Variants in TMEM108 observed in about 807,000 individuals in gnomAD.
TMEM108 encodes the protein cancer/testis antigen 124.
Under a neutral mutation model 35.1 loss-of-function variants are expected in TMEM108, and 12 were observed. That is an observed-to-expected ratio of 0.34 (90% CI 0.22 to 0.55). The LOEUF is 0.55. TMEM108 is among the 20% of genes least tolerant of loss of function. The pLI, the probability that TMEM108 is intolerant of heterozygous loss-of-function variation, is 0.89. For missense variants in TMEM108, 680 were observed against 753.3 expected, an observed-to-expected ratio of 0.90 and a Z score of 1.14; for synonymous variants, 287 against 308.6, an observed-to-expected ratio of 0.93 and a Z score of 0.73.
chr3:133,302,510 C>T (rs1947243146), intron 3 of TMEM108, among the ~76,000 whole-genome samples: 1 of 144,050 alleles, frequency 6.9e-6, no homozygotes, highest in Non-Finnish European at 1.5e-5. Context: ...CAAGCTCTGC[C>T]TCCCGGGTTC....
intron 2 of TMEM108, among the ~76,000 whole-genome samples, chr3:133,099,726 A>G (rs982039011): frequency 2.1e-4 from 32 of 152,176 alleles, no homozygotes; most frequent in Admixed American, 4.6e-4. Context: ...AAAACATAAT[A>G]AGAGTCACCT....
intron 2 of TMEM108, among the ~76,000 whole-genome samples, chr3:133,152,974 C>G (rs1944823630): frequency 6.6e-6 from 1 of 152,080 alleles, no homozygotes; most frequent in Non-Finnish European, 1.5e-5. Context: ...GGGCCTGTTT[C>G]ATTTTGTACT....
intron 3 of TMEM108, among the ~76,000 whole-genome samples, chr3:133,314,257 G>A (rs144566239): frequency 6.1e-4 from 93 of 152,210 alleles, no homozygotes; most frequent in African/African-American, 2.1e-3. Flanking sequence ...AAAATAAAAA[G>A]GATGATGACA....
chr3:133,292,728 G>A (rs138176708), intron 3 of TMEM108, among the ~76,000 whole-genome samples: 112 of 152,248 alleles, frequency 7.4e-4, no homozygotes, highest in African/African-American at 2.6e-3. Context: ...TTTTCTCAGA[G>A]ACACAGATGC....
intron 3 of TMEM108, chr3:133,253,224 G>C (rs919236689): frequency 6.6e-6 from 1 of 152,190 alleles, no homozygotes; most frequent in Non-Finnish European, 1.5e-5. Context: ...AAGACAAGAA[G>C]AGTGGTTTGG....
chr3:133,244,084 A>G (rs950690859), intron 3 of TMEM108, among the ~76,000 whole-genome samples: 2 of 152,208 alleles, frequency 1.3e-5, no homozygotes, highest in South Asian at 4.1e-4. Context: ...ATCGGGTGAC[A>G]GAGTATTATA....
intron 2 of TMEM108, among the ~76,000 whole-genome samples, chr3:133,090,732 A>C (rs1943937655): frequency 6.6e-6 from 1 of 152,192 alleles, no homozygotes; most frequent in Admixed American, 6.5e-5. Context: ...TATAATTTAC[A>C]TGCATATAGG....
intron 5 of TMEM108, among the ~76,000 whole-genome samples, chr3:133,390,577 T>C (rs572156335): frequency 6.6e-6 from 1 of 152,276 alleles, no homozygotes; most frequent in Non-Finnish European, 1.5e-5. Flanking sequence ...CTGGGACTTT[T>C]GGTTTCTGGG....
At chr3:133,286,481 A>G (rs1283424528) in intron 3 of TMEM108, among the ~76,000 whole-genome samples, 1 of 152,168 alleles carries the variant, frequency 6.6e-6, no homozygotes, top group Non-Finnish European at 1.5e-5. Context: ...CTACAGGCAC[A>G]TGCCATCACA....
At chr3:133,188,229 T>A (rs1290493161) in intron 2 of TMEM108, among the ~76,000 whole-genome samples, 1 of 152,192 alleles carries the variant, frequency 6.6e-6, no homozygotes, top group African/African-American at 2.4e-5. Flanking sequence ...GTCTGCACAC[T>A]ACACATTTGC....
chr3:133,127,058 C>T (rs1257036586), intron 2 of TMEM108, among the ~76,000 whole-genome samples: 1 of 152,028 alleles, frequency 6.6e-6, no homozygotes, highest in African/African-American at 2.4e-5. Flanking sequence ...TTGAGATGTG[C>T]TGTAAGCATA....
intron 3 of TMEM108, among the ~76,000 whole-genome samples, chr3:133,265,472 G>C (rs767016174): frequency 6.6e-6 from 1 of 152,126 alleles, no homozygotes; most frequent in Non-Finnish European, 1.5e-5. Flanking sequence ...CCTATCATTT[G>C]CTGAGGCTGC....
chr3:133,116,089 T>C (rs557354306), intron 2 of TMEM108, among the ~76,000 whole-genome samples: 1 of 152,354 alleles, frequency 6.6e-6, no homozygotes, highest in East Asian at 1.9e-4. Flanking sequence ...TCTTTAGTAA[T>C]GAGAGAAATG....
Position 133,346,038 on chromosome 3 carries a change from T to C in TMEM108, c.41-33714T>C, listed in dbSNP as rs1024857130. 6.6e-6 allele frequency among the ~76,000 whole-genome samples: 1 copy of C among 152,016 alleles called. No homozygotes were observed. The highest frequency in any genetic ancestry group is 2.4e-5 in the African/African-American group (1 of 41,448). Reference sequence around the variant, plus strand: ...CACAGTTTCTGTGTTCGTTCACCTATTCAAAGACATCTTGGTTGCTTCTAG... The same window carrying C: ...CACAGTTTCTGTGTTCGTTCACCTACTCAAAGACATCTTGGTTGCTTCTAG... On this transcript the variant is annotated intron_variant, in intron 3 of 5. Coordinates refer to ENST00000321871, the MANE Select transcript of TMEM108 (RefSeq NM_023943.4). The surrounding 1 kb of genome is among the most constrained non-coding windows in gnomAD (Gnocchi z 4.0).
chr3:133,188,720 A>G (rs1001788238), intron 2 of TMEM108, among the ~76,000 whole-genome samples: 1 of 152,120 alleles, frequency 6.6e-6, no homozygotes. Context: ...AGGCTGAGTA[A>G]TGCTAGTTGC....
At chr3:133,216,733 G>GT (rs1407328485) in intron 2 of TMEM108, among the ~76,000 whole-genome samples, 6 of 151,852 alleles carry the variant, frequency 4.0e-5, no homozygotes, top group African/African-American at 1.4e-4. Context: ...TATCTTCCAA[G>GT]TTTATCCATG....
intron 2 of TMEM108, among the ~76,000 whole-genome samples, chr3:133,115,406 T>G (rs1030265352): frequency 2.6e-5 from 4 of 152,210 alleles, no homozygotes; most frequent in Non-Finnish European, 4.4e-5. Context: ...GTGGAACTAT[T>G]TAATCCTTAA....
chr3:133,161,727 G>C (rs973072648), intron 2 of TMEM108, among the ~76,000 whole-genome samples: 1 of 150,464 alleles, frequency 6.6e-6, no homozygotes, highest in African/African-American at 2.4e-5. Flanking sequence ...CAAAGTGAGA[G>C]GGTGTATTTT....
chr3:133,130,865 T>C (rs995202042), intron 2 of TMEM108, among the ~76,000 whole-genome samples: 6 of 152,226 alleles, frequency 3.9e-5, no homozygotes, highest in Non-Finnish European at 7.3e-5. Flanking sequence ...GAATATAATC[T>C]ATCCATTATA....
Sources: allele counts gnomAD v4.1 joint callset (sites outside exome capture counted in the v4.1 genomes callset), GRCh38; gene constraint gnomAD v4.1.1; non-coding constraint Gnocchi (gnomAD v3.1); transcripts MANE v1.5; gene names NCBI Gene and HGNC (gene_info 2026-07-23, HGNC 2026-07-21).